PTPRD: variants seen among roughly 807,000 people sequenced by gnomAD.
PTPRD encodes protein tyrosine phosphatase receptor type D.
Under a neutral mutation model 214.5 loss-of-function variants are expected in PTPRD, and 34 were observed. The observed-to-expected ratio is 0.16, with a 90% confidence interval of 0.12 to 0.21. The LOEUF is 0.21. Among genes scored for constraint, PTPRD ranks in the 10% least tolerant of loss-of-function variants. The pLI, the probability that PTPRD is intolerant of heterozygous loss-of-function variation, is 1.00. For missense variants in PTPRD, 2,545 were observed against 2,398.7 expected (o/e 1.06, Z -1.27); for synonymous variants, 1,128 against 845.7 (o/e 1.33, Z -5.79).
chr9:9,393,038 C>T (rs1003495796), intron 9 of PTPRD, among the ~76,000 whole-genome samples: 1 of 152,050 alleles, frequency 6.6e-6, no homozygotes, highest in South Asian at 2.1e-4. Flanking sequence ...GCTGGTTAAT[C>T]GGCTTCCCTC....
intron 14 of PTPRD, 99 bp downstream of exon 14, chr9:8,633,217 AT>A: frequency 7.1e-7 from 1 of 1,409,008 alleles, no homozygotes; most frequent in Non-Finnish European, 9.6e-7. Context: ...TGAGTTTCCC[AT>A]TTAAGCACCA....
intron 8 of PTPRD, among the ~76,000 whole-genome samples, chr9:9,558,149 G>T (rs78671883): frequency 2.0e-5 from 3 of 152,026 alleles, no homozygotes; most frequent in Non-Finnish European, 4.4e-5. Context: ...GGGTGCCAGC[G>T]CGCCCACCAT....
chr9:10,540,659 A>G (rs911303423), intron 2 of PTPRD, among the ~76,000 whole-genome samples: 5 of 152,136 alleles, frequency 3.3e-5, no homozygotes, highest in Non-Finnish European at 5.9e-5. Flanking sequence ...TGTGTTCCAA[A>G]TCCACTGGCT....
At chr9:9,884,133 T>C (rs1419436498) in intron 5 of PTPRD, among the ~76,000 whole-genome samples, 1 of 152,100 alleles carries the variant, frequency 6.6e-6, no homozygotes, top group Non-Finnish European at 1.5e-5. Flanking sequence ...TGTTCCAAAC[T>C]ATGTAGCAGT....
intron 3 of PTPRD, among the ~76,000 whole-genome samples, chr9:10,262,861 C>G (rs1440913104): frequency 6.6e-6 from 1 of 152,158 alleles, no homozygotes; most frequent in African/African-American, 2.4e-5. Flanking sequence ...CAAATCTCAT[C>G]TTGAATTGTA....
chr9:8,941,255 G>T (rs956676390), intron 11 of PTPRD, among the ~76,000 whole-genome samples: 1 of 152,080 alleles, frequency 6.6e-6, no homozygotes, highest in Non-Finnish European at 1.5e-5. Context: ...TTACTAAAAT[G>T]CTTACTAAAA....
chr9:9,972,352 G>C, intron 4 of PTPRD, among the ~76,000 whole-genome samples: 1 of 152,120 alleles, frequency 6.6e-6, no homozygotes, highest in Non-Finnish European at 1.5e-5. Flanking sequence ...ATTATTAGTA[G>C]ACTTAGAGAA....
Position 9,180,581 on chromosome 9 carries a change from A to G in PTPRD, c.-143+2723T>C, listed in dbSNP as rs183503365. Among the ~76,000 whole-genome samples, 8 of 152,196 alleles carry G rather than the reference A, an allele frequency of 5.3e-5. No individual in the cohort carries two copies. In the East Asian group the frequency reaches 1.6e-3, roughly 29 times the overall value. On this transcript the variant is annotated intron_variant, in intron 10 of 45. Coordinates refer to ENST00000381196, the MANE Select transcript of PTPRD (RefSeq NM_002839.4). ...CCTGCACGTTGTGCACATGTACTCT[A>G]AAACTTAAAGTATAATAGTAATAAA...
chr9:8,746,018 C>A (rs2092757617), intron 11 of PTPRD, among the ~76,000 whole-genome samples: 1 of 152,130 alleles, frequency 6.6e-6, no homozygotes, highest in Non-Finnish European at 1.5e-5. Context: ...GTCTTGAACT[C>A]CTGGACTCAA....
intron 9 of PTPRD, among the ~76,000 whole-genome samples, chr9:9,238,646 C>G (rs1041386805): frequency 2.0e-5 from 3 of 152,090 alleles, no homozygotes; most frequent in Non-Finnish European, 4.4e-5. Flanking sequence ...TTAGAATAAG[C>G]TGGGCATAGA....
chr9:8,661,447 A>T (rs2097050423), intron 12 of PTPRD, among the ~76,000 whole-genome samples: 1 of 152,100 alleles, frequency 6.6e-6, no homozygotes, highest in Non-Finnish European at 1.5e-5. Context: ...TATAGAAAAA[A>T]TGACTTTGTA....
intron 27 of PTPRD, among the ~76,000 whole-genome samples, chr9:8,492,060 A>G (rs2086999161): frequency 6.6e-6 from 1 of 152,188 alleles, no homozygotes; most frequent in African/African-American, 2.4e-5. Context: ...TCATCCTAAA[A>G]AGCATTGAAG....
At chr9:8,680,273 T>C (rs755966516) in intron 12 of PTPRD, among the ~76,000 whole-genome samples, 4 of 151,994 alleles carry the variant, frequency 2.6e-5, no homozygotes, top group Non-Finnish European at 5.9e-5. Context: ...GAACCCACAG[T>C]TTTCAATGAT....
In PTPRD at chr9:8,815,848, G is replaced by A. The variant is rs764492611; in HGVS notation, c.-103-81902C>T. On this transcript the variant is annotated intron_variant, in intron 11 of 45. Transcript: ENST00000381196. ...CAAACATGCGGCTGATTAGAAAAAT[G>A]GTTATAATAGGCCTTACTGCTGTTA... Among the ~76,000 whole-genome samples the A allele has an allele frequency of 2.0e-5, 3 of 152,134 alleles. No homozygotes were observed. In the South Asian group the frequency reaches 6.2e-4, roughly 31 times the overall value.
chr9:9,016,706 T>C (rs527855070), intron 11 of PTPRD, among the ~76,000 whole-genome samples: 1 of 152,148 alleles, frequency 6.6e-6, no homozygotes, highest in Admixed American at 6.5e-5. Context: ...TACAAACAAC[T>C]GTAGCAGTCT....
intron 8 of PTPRD, among the ~76,000 whole-genome samples, chr9:9,541,167 GGAA>G (rs2154273120): frequency 6.6e-6 from 1 of 151,822 alleles, no homozygotes; most frequent in Non-Finnish European, 1.5e-5. Context: ...TCCTAGGCTA[GGAA>G]GTTCCTTGAA....
chr9:10,400,040 A>G (rs1482824910), intron 2 of PTPRD, among the ~76,000 whole-genome samples: 1 of 151,870 alleles, frequency 6.6e-6, no homozygotes, highest in Admixed American at 6.6e-5. Flanking sequence ...ATTTTAGAGG[A>G]AAAACTTAGT....
intron 7 of PTPRD, among the ~76,000 whole-genome samples, chr9:9,704,710 C>T (rs1204103265): frequency 2.0e-5 from 3 of 152,156 alleles, no homozygotes; most frequent in African/African-American, 7.2e-5. Flanking sequence ...AATCTGACTA[C>T]CTGAGACCAC....
chr9:8,740,476 T>C (rs2091640857), intron 11 of PTPRD, among the ~76,000 whole-genome samples: 1 of 152,206 alleles, frequency 6.6e-6, no homozygotes, highest in Admixed American at 6.5e-5. Context: ...CATTCTTAAA[T>C]GTATGCAGGG....
Sources: gnomAD v4.1 joint callset for allele counts (sites outside exome capture counted in the v4.1 genomes callset) on GRCh38, gnomAD v4.1.1 for gene constraint, MANE v1.5 for transcripts, NCBI Gene and HGNC (gene_info 2026-07-23, HGNC 2026-07-21) for gene names.